CNDP2: variants seen among roughly 807,000 people sequenced by gnomAD.
CNDP2 encodes carnosine dipeptidase 2.
CNDP2 carries 38 observed loss-of-function variants against 55.0 expected under a neutral mutation model. The ratio of observed to expected loss-of-function variants is 0.69; its 90% CI spans 0.53 to 0.90. CNDP2 has a LOEUF of 0.90. Among genes scored for constraint, CNDP2 ranks in the 40% least tolerant of loss-of-function variants. The probability of loss-of-function intolerance (pLI) is 0.00; values close to 1 mark genes in which losing one functional copy is unlikely to be tolerated. For synonymous variants in CNDP2, 241 were observed against 260.2 expected (o/e 0.93, Z 0.71); for missense variants, 607 against 621.7 (o/e 0.98, Z 0.25).
chr18:74,512,533 G>T lies in CNDP2; in HGVS notation c.742+1G>T. Reference sequence around the variant, plus strand: ...ATGACTGATCTCATTTTGCTGATGGGTAAGTGCGGGATGGCATTCAGTCCG... The same window carrying T: ...ATGACTGATCTCATTTTGCTGATGGTTAAGTGCGGGATGGCATTCAGTCCG... On this transcript the variant is annotated splice_donor_variant, in intron 7 of 11. Transcript: ENST00000324262. LOFTEE classifies it high-confidence loss of function. The T allele has an allele frequency of 6.2e-7, 1 of 1,613,640 alleles. No homozygotes were observed. The highest frequency in any genetic ancestry group is 1.1e-5 in the South Asian group (1 of 91,054).
Position 74,513,668 on chromosome 18 carries a change from A to G in CNDP2, c.852A>G (p.Ile284Met), listed in dbSNP as rs1440932338. The change falls in exon 8 of 12, where the codon ATA becomes ATG. Residue 284 changes from isoleucine (I) to methionine (M), a missense_variant. By Grantham distance (10) the Ile-to-Met change is conservative (BLOSUM62 1). Transcript: ENST00000324262. ...HKLYDDIDFD[I>M]EEFAKDVGAQ... Reference sequence around the variant, plus strand: ...TGTACGACGACATCGACTTTGACATAGAGGAGTTTGCCAAGGATGTGGGGG... The same window carrying G: ...TGTACGACGACATCGACTTTGACATGGAGGAGTTTGCCAAGGATGTGGGGG... 1 of 1,614,106 alleles carries G rather than the reference A, an allele frequency of 6.2e-7. No homozygotes were observed. The highest frequency in any genetic ancestry group is 8.5e-7 in the Non-Finnish European group (1 of 1,180,014).
chr18:74,520,120 C>T lies in CNDP2; in HGVS notation c.*52C>T, dbSNP rs749276356. The T allele has an allele frequency of 6.4e-7, 1 of 1,571,648 alleles. No individual in the cohort carries two copies. Among genetic ancestry groups the T allele is most frequent in the Non-Finnish European group, 8.8e-7 (1 of 1,142,732 alleles). ...ATGAGAAGGAATCCTGCCCTCACCTCACCCTTTTCCAACTTGCCCAGGGAA... is the reference window on the plus strand; with the variant it reads ...ATGAGAAGGAATCCTGCCCTCACCTTACCCTTTTCCAACTTGCCCAGGGAA... On this transcript the variant is annotated 3_prime_UTR_variant, in exon 12 of 12. Transcript: ENST00000324262.
intron 7 of CNDP2, 145 bp from the exon 8 acceptor site, chr18:74,513,414 G>T (rs1423065066): frequency 2.3e-5 from 18 of 775,372 alleles, no homozygotes; most frequent in Non-Finnish European, 3.2e-5. Context: ...GCTTGTGGCT[G>T]CTCTTGGCCC....
chr18:74,518,653 C>T lies in CNDP2; in HGVS notation c.1210+13C>T. On this transcript the variant is annotated intron_variant, in intron 10 of 11. Transcript: ENST00000324262. ...GCCATGAAGACAGGTTGGACGCTCT[C>T]CTTGTGGATGATGCCGCGCAGGGCC... 1.2e-6 allele frequency: 2 copies of T among 1,613,952 alleles called. No homozygotes were observed. The highest frequency in any genetic ancestry group is 1.7e-5 in the Admixed American group (1 of 60,030).
rs1238232157 is a variant in CNDP2, at chr18:74,519,984, G to A, written c.1359-15G>A. On this transcript the variant is annotated splice_polypyrimidine_tract_variant and intron_variant, in intron 11 of 11. Transcript: ENST00000324262. The stretch of plus-strand genomic sequence containing the variant: ...ACGACACCAGCCAACACAATGATGT[G>A]TTCCTCTCTACCAGGTATAACTACA... The A allele has an allele frequency of 6.2e-7, 1 of 1,612,986 alleles. No individual in the cohort carries two copies. The highest frequency in any genetic ancestry group is 8.5e-7 in the Non-Finnish European group (1 of 1,179,384).
chr18:74,504,076 C>T (rs1978869591), intron 3 of CNDP2, among the ~76,000 whole-genome samples: 2 of 146,976 alleles, frequency 1.4e-5, no homozygotes, highest in South Asian at 4.3e-4. Context: ...GCACACGCAG[C>T]CACAGTGCCG....
chr18:74,497,564 C>G (rs561110846), intron 1 of CNDP2: 1 of 152,154 alleles, frequency 6.6e-6, no homozygotes, highest in South Asian at 2.1e-4. Flanking sequence ...GCGGACAGAT[C>G]GCTTGAGTCC....
At position 74,513,704 on chromosome 18, in the gene CNDP2, C is replaced by T; in HGVS notation, c.888C>T (p.Leu296=). The T allele has an allele frequency of 6.2e-7, 1 of 1,613,864 alleles. No homozygotes were observed. Residue 296 remains leucine, a synonymous_variant, in exon 8 of 12, where the codon CTC becomes CTT. Coordinates refer to ENST00000324262, the MANE Select transcript of CNDP2 (RefSeq NM_018235.3). The part of the protein sequence containing the change: ...EFAKDVGAQI[L]LHSHKKDILM... Reference sequence around the variant, plus strand: ...CCAAGGATGTGGGGGCGCAGATCCTCCTGCACAGCCACAAGGTCTGGTTCA... The same window carrying T: ...CCAAGGATGTGGGGGCGCAGATCCTTCTGCACAGCCACAAGGTCTGGTTCA...
At chr18:74,517,901 C>G (rs1167735974) in intron 9 of CNDP2, 1 of 152,180 alleles carries the variant, frequency 6.6e-6, no homozygotes, top group African/African-American at 2.4e-5. Context: ...TTTAGAAGAT[C>G]TTTGGAAAGA....
intron 8 of CNDP2, among the ~76,000 whole-genome samples, chr18:74,515,257 G>A (rs975104208): frequency 2.0e-5 from 3 of 152,172 alleles, no homozygotes; most frequent in Non-Finnish European, 2.9e-5. Flanking sequence ...GAGCTGAGTC[G>A]GTGGAGCTAG....
chr18:74,496,900 G>A (rs1402022344), intron 1 of CNDP2, among the ~76,000 whole-genome samples: 2 of 152,122 alleles, frequency 1.3e-5, no homozygotes, highest in Non-Finnish European at 2.9e-5. Context: ...GGAGTGTGGC[G>A]GGACAGAAGC....
At chr18:74,519,873 C>A (rs1979947401) in intron 11 of CNDP2, 126 bp from the exon 12 acceptor site, 2 of 796,024 alleles carry the variant, frequency 2.5e-6, no homozygotes, top group African/African-American at 3.4e-5. Flanking sequence ...TCAGGGCCCC[C>A]AAGCTGGGAT....
In CNDP2 at chr18:74,501,350, A is replaced by C; in HGVS notation, c.82A>C (p.Ile28Leu). ...ACAGAAACTCGCAAAATGGGTGGCTATCCAGAGTGTGTCTGCGTGGCCGGA... is the reference window on the plus strand; with the variant it reads ...ACAGAAACTCGCAAAATGGGTGGCTCTCCAGAGTGTGTCTGCGTGGCCGGA... ...YIKKLAKWVA[I>L]QSVSAWPEKR... The change falls in exon 3 of 12, where the codon ATC (isoleucine) becomes CTC (leucine). Residue 28 changes from isoleucine (I) to leucine (L), a missense_variant. By Grantham distance (5) the Ile-to-Leu change is conservative. Transcript: ENST00000324262. The C allele has an allele frequency of 6.2e-7, 1 of 1,613,540 alleles. No homozygotes were observed. The highest frequency in any genetic ancestry group is 1.1e-5 in the South Asian group (1 of 91,016).
At chr18:74,497,501 C>T (rs1238382993) in intron 1 of CNDP2, 4 of 152,222 alleles carry the variant, frequency 2.6e-5, no homozygotes, top group African/African-American at 9.7e-5. Context: ...ATGTTACTCC[C>T]TTGCCAGGCA....
Position 74,499,975 on chromosome 18 carries a change from TG to T in CNDP2, c.4del (p.Ala2?). 1 of 1,614,122 alleles carries T rather than the reference TG, an allele frequency of 6.2e-7. No individual in the cohort carries two copies. Among genetic ancestry groups the T allele is most frequent in the Non-Finnish European group, 8.5e-7 (1 of 1,179,984 alleles). [M>X]AALTTLFKYI... is the part of the protein sequence containing the mutation. The stretch of plus-strand genomic sequence containing the variant: ...TGCGGTCTGGGGTCTGGTTGAAAGA[TG>T]GCGGCCCTCACTACCCTGTTTAAGT... On this transcript the variant is annotated frameshift_variant and start_lost, in exon 2 of 12. Transcript: ENST00000324262. LOFTEE classifies it high-confidence loss of function.
chr18:74,511,141 C>T (rs1256081055), intron 6 of CNDP2, 128 bp downstream of exon 6: 7 of 725,976 alleles, frequency 9.6e-6, no homozygotes, highest in Non-Finnish European at 1.3e-5. Flanking sequence ...TCACTTAGTG[C>T]CCCAATTCCC....
chr18:74,523,348 A>T lies in CNDP2; in HGVS notation c.*3280A>T, dbSNP rs1161246077. On this transcript the variant is annotated 3_prime_UTR_variant, in exon 12 of 12. Transcript: ENST00000324262. ...TTATGAAGACAGAAATGACCCTGTG[A>T]CCCCTTTGCAAAGTATGAAGAACGG... 1 of 152,122 alleles carries T rather than the reference A, an allele frequency of 6.6e-6. No individual in the cohort carries two copies. Among genetic ancestry groups the T allele is most frequent in the Non-Finnish European group, 1.5e-5 (1 of 68,000 alleles). The allele number at this position is 152,122 out of a possible 1,614,324, so 9.4% of individuals were successfully genotyped here.
At chr18:74,518,466 G>A in intron 9 of CNDP2, 33 bp from the exon 10 acceptor site, 1 of 1,613,112 alleles carries the variant, frequency 6.2e-7, no homozygotes, top group East Asian at 2.2e-5. Flanking sequence ...AGCTTATAAA[G>A]CATTGTATAC....
intron 4 of CNDP2, chr18:74,508,350 A>T (rs1263008092): frequency 6.4e-6 from 1 of 155,306 alleles, no homozygotes; most frequent in Non-Finnish European, 1.4e-5. Context: ...AGCAGAGGTT[A>T]AATGATAAAC....
Sources: gnomAD v4.1 joint callset for allele counts (sites outside exome capture counted in the v4.1 genomes callset) on GRCh38, gnomAD v4.1.1 for gene constraint, MANE v1.5 for transcripts, NCBI Gene and HGNC (gene_info 2026-07-23, HGNC 2026-07-21) for gene names.